The following BZW2 variants were observed in gnomAD, a reference collection of about 807,000 sequenced individuals.
BZW2 encodes eIF5-mimic protein 1.
A neutral mutation model predicts 53.2 loss-of-function variants in BZW2; 23 were observed. That is an observed-to-expected ratio of 0.43 (90% CI 0.31 to 0.61). BZW2 has a LOEUF of 0.61. Among genes scored for constraint, BZW2 ranks in the 20% least tolerant of loss-of-function variants. The pLI is 0.09. For synonymous variants in BZW2, 227 were observed against 186.4 expected, an observed-to-expected ratio of 1.22 and a Z score of -1.77; for missense variants, 409 against 503.1, an observed-to-expected ratio of 0.81 and a Z score of 1.79.
intron 1 of BZW2, among the ~76,000 whole-genome samples, chr7:16,659,852 ATTTTTT>A (rs200974386): frequency 6.8e-6 from 1 of 147,022 alleles, no homozygotes; most frequent in African/African-American, 2.5e-5. Context: ...TTATTTTTTT[ATTTTTT>A]TTTTTATTAT....
chr7:16,668,755 C>T (rs1782509597), intron 2 of BZW2, among the ~76,000 whole-genome samples: 1 of 152,238 alleles, frequency 6.6e-6, no homozygotes, highest in African/African-American at 2.4e-5. Context: ...CAATGTATTT[C>T]TTATTGCATT....
intron 2 of BZW2, among the ~76,000 whole-genome samples, chr7:16,667,741 A>G (rs976463228): frequency 3.9e-5 from 6 of 152,160 alleles, no homozygotes; most frequent in Non-Finnish European, 8.8e-5. Flanking sequence ...GAAAATAGTT[A>G]CTTTGTACAG....
intron 1 of BZW2, among the ~76,000 whole-genome samples, chr7:16,647,557 T>C (rs1334366877): frequency 6.6e-6 from 1 of 152,220 alleles, no homozygotes; most frequent in African/African-American, 2.4e-5. Flanking sequence ...GGGACAGATC[T>C]GAGCCAGAAC....
chr7:16,661,807 G>A (rs754944459), intron 1 of BZW2, among the ~76,000 whole-genome samples: 2 of 152,174 alleles, frequency 1.3e-5, no homozygotes, highest in Middle Eastern at 3.4e-3. Context: ...GAATATGTGT[G>A]TATTTTGTGT....
rs192681934 is a variant in BZW2, at chr7:16,673,242, G to A, written c.59-1170G>A. Among the ~76,000 whole-genome samples, 757 of 152,212 alleles carry A rather than the reference G, an allele frequency of 5.0e-3. 4 individuals are homozygous for A. The highest frequency in any genetic ancestry group is 8.7e-3 in the Non-Finnish European group (591 of 68,000). ...ATTACAGGCGTGAGCCACCACGCCCGGCCTTGTCTTATCCACTTTCTAAGG... is the reference window on the plus strand; with the variant it reads ...ATTACAGGCGTGAGCCACCACGCCCAGCCTTGTCTTATCCACTTTCTAAGG... On this transcript the variant is annotated intron_variant, in intron 2 of 11. Coordinates refer to ENST00000258761, the MANE Select transcript of BZW2 (RefSeq NM_014038.3).
intron 1 of BZW2, among the ~76,000 whole-genome samples, chr7:16,656,711 T>C (rs1220687570): frequency 2.6e-5 from 4 of 152,226 alleles, no homozygotes; most frequent in African/African-American, 9.6e-5. Flanking sequence ...GTTGACATTC[T>C]ACTGAAGGAA....
chr7:16,682,339 T>G (rs897809096), intron 4 of BZW2, among the ~76,000 whole-genome samples: 1 of 152,216 alleles, frequency 6.6e-6, no homozygotes, highest in African/African-American at 2.4e-5. Flanking sequence ...TTATTGCCAG[T>G]AAATTATAAC....
intron 7 of BZW2, among the ~76,000 whole-genome samples, chr7:16,690,201 T>C (rs1388127761): frequency 6.7e-6 from 1 of 149,204 alleles, no homozygotes; most frequent in Non-Finnish European, 1.5e-5. Flanking sequence ...AGCCATAACT[T>C]TTTTACTTTT....
chr7:16,699,405 C>T (rs1425992675), intron 10 of BZW2, among the ~76,000 whole-genome samples: 12 of 152,180 alleles, frequency 7.9e-5, no homozygotes, highest in Non-Finnish European at 1.6e-4. Flanking sequence ...CAGCCAAGAA[C>T]GAGAAGTGGG....
chr7:16,649,557 C>T (rs1253029211), intron 1 of BZW2, among the ~76,000 whole-genome samples: 1 of 152,198 alleles, frequency 6.6e-6, no homozygotes, highest in Non-Finnish European at 1.5e-5. Context: ...ATTTCCAGCT[C>T]TCTACATTAG....
intron 1 of BZW2, among the ~76,000 whole-genome samples, chr7:16,663,314 A>G (rs938061571): frequency 6.6e-6 from 1 of 152,128 alleles, no homozygotes. Context: ...TATCCTTCCT[A>G]GTGAGTTTCT....
In BZW2 at chr7:16,705,351, C is replaced by T. The variant is rs368214712; in HGVS notation, c.1231+682C>T. ...CCAGCCTGGATGACAGAGCAAGACT[C>T]CATCTCGATAAATAAATAAATAAAG... On this transcript the variant is annotated intron_variant, in intron 11 of 11. Coordinates refer to ENST00000258761, the MANE Select transcript of BZW2 (RefSeq NM_014038.3). Among the ~76,000 whole-genome samples, 12 of 150,702 alleles carry T rather than the reference C, an allele frequency of 8.0e-5. No individual in the cohort carries two copies. The East Asian group carries it at 2.4e-3, about 30-fold the overall frequency.
chr7:16,688,266 A>G, intron 6 of BZW2, among the ~76,000 whole-genome samples: 1 of 152,224 alleles, frequency 6.6e-6, no homozygotes, highest in Non-Finnish European at 1.5e-5. Flanking sequence ...TCCTGTTATC[A>G]TTCATAGCAT....
At chr7:16,652,613 C>T (rs897376049) in intron 1 of BZW2, among the ~76,000 whole-genome samples, 4 of 152,120 alleles carry the variant, frequency 2.6e-5, no homozygotes, top group African/African-American at 4.8e-5. Context: ...TAACCTCTGT[C>T]TCCTGGGTTC....
intron 2 of BZW2, among the ~76,000 whole-genome samples, chr7:16,668,047 G>T (rs567426046): frequency 6.6e-6 from 1 of 152,294 alleles, no homozygotes; most frequent in South Asian, 2.1e-4. Flanking sequence ...TACAGTGAAG[G>T]TATTGTGGAG....
chr7:16,698,254 A>G (rs1583753293), intron 10 of BZW2, 68 bp downstream of exon 10: 1 of 1,590,354 alleles, frequency 6.3e-7, no homozygotes, highest in Middle Eastern at 1.7e-4. Flanking sequence ...CAGAGCAGGC[A>G]ATGAGGCAGA....
intron 10 of BZW2, among the ~76,000 whole-genome samples, chr7:16,699,203 T>C (rs1783592609): frequency 6.6e-6 from 1 of 152,346 alleles, no homozygotes; most frequent in East Asian, 1.9e-4. Context: ...GAGGAAAATA[T>C]GATGGCCACC....
chr7:16,671,325 T>A (rs1027364068), intron 2 of BZW2, among the ~76,000 whole-genome samples: 2 of 152,338 alleles, frequency 1.3e-5, no homozygotes, highest in East Asian at 1.9e-4. Flanking sequence ...ACTGCATTTT[T>A]AAAAAATAAC....
intron 3 of BZW2, among the ~76,000 whole-genome samples, chr7:16,679,961 G>A (rs706034): frequency 0.022 from 3,374 of 152,198 alleles, 52 homozygotes; most frequent in African/African-American, 0.047. Context: ...TTTGAATATG[G>A]AAAGTTATTG....
Sources: allele counts gnomAD v4.1 joint callset (sites outside exome capture counted in the v4.1 genomes callset), GRCh38; gene constraint gnomAD v4.1.1; transcripts MANE v1.5; gene names NCBI Gene and HGNC (gene_info 2026-07-23, HGNC 2026-07-21).